SAE1: variants seen among roughly 807,000 people sequenced by gnomAD.
SAE1 encodes SUMO1 activating enzyme subunit 1, also known as SUMO-activating enzyme subunit 1.
Under a neutral mutation model 40.6 loss-of-function variants are expected in SAE1, and 11 were observed. The observed-to-expected ratio is 0.27, with a 90% CI of 0.17 to 0.45. The LOEUF (loss-of-function observed/expected upper bound fraction) is 0.45, where lower values mean the gene tolerates loss of function less well. SAE1 is among the 20% of genes least tolerant of loss of function. The pLI is 1.00. For synonymous variants in SAE1, 155 were observed against 154.3 expected (o/e 1.00, Z -0.03); for missense variants, 373 against 427.3 (o/e 0.87, Z 1.12).
intron 6 of SAE1, among the ~76,000 whole-genome samples, chr19:47,174,399 A>G (rs562062677): frequency 7.7e-6 from 1 of 129,162 alleles, no homozygotes; most frequent in Non-Finnish European, 1.7e-5. Flanking sequence ...GTTTTATTTT[A>G]TTTTGTTTTT....
chr19:47,141,130 T>C (rs1424729155), intron 1 of SAE1, among the ~76,000 whole-genome samples: 2 of 152,016 alleles, frequency 1.3e-5, no homozygotes, highest in Non-Finnish European at 2.9e-5. Flanking sequence ...CTGTCCCGAG[T>C]AACTGGGACT....
chr19:47,164,639 C>CTTTTTTTTTTTTTTT (rs1166301382), intron 5 of SAE1, among the ~76,000 whole-genome samples: 2 of 78,388 alleles, frequency 2.6e-5, no homozygotes, highest in African/African-American at 1.1e-4. Context: ...GAGAATTCAC[C>CTTTTTTTTTTTTTTT]TTTTTTTTTT....
chr19:47,132,209 C>T lies in SAE1; in HGVS notation c.98+1181C>T, dbSNP rs533233499. 4.2e-4 allele frequency among the ~76,000 whole-genome samples: 63 copies of T among 151,676 alleles called. 1 individual carries two copies. The highest frequency in any genetic ancestry group is 1.4e-3 in the African/African-American group (59 of 41,370). The stretch of plus-strand genomic sequence containing the variant: ...AACTCCGGACCTCAAGTGATCTGCC[C>T]GCCACAGCCTCCCAAAGTGGTTGGA... On this transcript the variant is annotated intron_variant, in intron 1 of 8. Transcript: ENST00000270225.
At chr19:47,205,337 T>G (rs1247286908) in intron 8 of SAE1, among the ~76,000 whole-genome samples, 6 of 118,810 alleles carry the variant, frequency 5.1e-5, no homozygotes, top group South Asian at 5.7e-4. Flanking sequence ...TTTTTTTTTT[T>G]GTCTATTTTT....
chr19:47,131,057 A>G (rs1355011709), intron 1 of SAE1, 29 bp downstream of exon 1: 2 of 1,475,352 alleles, frequency 1.4e-6, no homozygotes, highest in Admixed American at 2.6e-5. Flanking sequence ...TGAGGCCGCT[A>G]GGGTCTGGAG....
At chr19:47,203,852 C>G in intron 8 of SAE1, 112 bp downstream of exon 8, 1 of 962,602 alleles carries the variant, frequency 1.0e-6, no homozygotes, top group Non-Finnish European at 1.6e-6. Flanking sequence ...CCCCATTCAT[C>G]TTTGTTTCAT....
Position 47,180,083 on chromosome 19 carries a change from G to A in SAE1, c.733+10160G>A, listed in dbSNP as rs762152332. ...TGGATGAACTCATGGTTTCTTATAC[G>A]TAGATGTAGTAATAGATGTATGTGT... On this transcript the variant is annotated intron_variant, in intron 6 of 8. Coordinates refer to ENST00000270225, the MANE Select transcript of SAE1 (RefSeq NM_005500.3). 1.6e-4 allele frequency: 69 copies of A among 428,780 alleles called. No homozygotes were observed. The Admixed American group carries it at 1.7e-3, about 10-fold the overall frequency. 26.6% of individuals were successfully genotyped at this position (428,780 alleles called of 1,614,324 possible).
In SAE1 at chr19:47,152,977, C is replaced by A; in HGVS notation, c.464C>A (p.Thr155Lys). 2 of 1,613,142 alleles carry A rather than the reference C, an allele frequency of 1.2e-6. No homozygotes were observed. The highest frequency in any genetic ancestry group is 2.2e-5 in the East Asian group (1 of 44,872). Reference sequence around the variant, plus strand: ...CACAAAAATAGCATCAAGTTCTTTACAGGAGATGTTTTTGGCTACCATGGA... The same window carrying A: ...CACAAAAATAGCATCAAGTTCTTTAAAGGAGATGTTTTTGGCTACCATGGA... ...ICHKNSIKFF[T>K]GDVFGYHGYT... is the part of the protein sequence containing the mutation. The change falls in exon 4 of 9, where the codon ACA becomes AAA. Residue 155 changes from threonine to lysine, a missense_variant. Thr to Lys is a moderately conservative substitution (Grantham distance 78). Around this residue, in one of 3 missense-constraint regions of SAE1, gnomAD observed 351 missense variants for 390.6 expected, o/e 0.90. Coordinates refer to ENST00000270225, the MANE Select transcript of SAE1 (RefSeq NM_005500.3).
intron 6 of SAE1, among the ~76,000 whole-genome samples, chr19:47,193,842 AAAGAAAAG>A (rs1417659782): frequency 1.1e-3 from 119 of 103,954 alleles, no homozygotes; most frequent in African/African-American, 3.8e-3. Flanking sequence ...AAAAAAAAAG[AAAGAAAAG>A]AAAAAGAAAA....
At chr19:47,139,992 C>T (rs1425233460) in intron 1 of SAE1, among the ~76,000 whole-genome samples, 5 of 144,314 alleles carry the variant, frequency 3.5e-5, no homozygotes, top group Non-Finnish European at 3.0e-5. Context: ...GGCTGAAGTG[C>T]AATGGTGCGG....
intron 1 of SAE1, among the ~76,000 whole-genome samples, chr19:47,132,128 A>G (rs1600140477): frequency 6.6e-6 from 1 of 150,942 alleles, no homozygotes; most frequent in African/African-American, 2.4e-5. Flanking sequence ...ATGCCTGGCT[A>G]ATTTTTGTAT....
At position 47,209,324 on chromosome 19, in the gene SAE1, G is replaced by T; in HGVS notation, c.*73G>T. On this transcript the variant is annotated 3_prime_UTR_variant, in exon 9 of 9. Transcript: ENST00000270225. Reference sequence around the variant, plus strand: ...TGTATTCCCTGTCCCCTTCCTTCATGAAGGCATCTCCAGGCAAGGAAAACT... The same window carrying T: ...TGTATTCCCTGTCCCCTTCCTTCATTAAGGCATCTCCAGGCAAGGAAAACT... The T allele has an allele frequency of 6.2e-7, 1 of 1,609,628 alleles. No individual in the cohort carries two copies.
At chr19:47,194,614 G>C (rs2058601381) in intron 6 of SAE1, among the ~76,000 whole-genome samples, 1 of 152,182 alleles carries the variant, frequency 6.6e-6, no homozygotes, top group Admixed American at 6.5e-5. Context: ...TGTCCTTAGA[G>C]ACAAGGCTCG....
At chr19:47,194,358 A>G (rs1275718758) in intron 6 of SAE1, among the ~76,000 whole-genome samples, 1 of 152,230 alleles carries the variant, frequency 6.6e-6, no homozygotes, top group Non-Finnish European at 1.5e-5. Context: ...TATTTTTTAA[A>G]GAGCCTCACA....
chr19:47,181,696 C>G (rs2058507372), intron 6 of SAE1, among the ~76,000 whole-genome samples: 1 of 149,014 alleles, frequency 6.7e-6, no homozygotes, highest in Non-Finnish European at 1.5e-5. Flanking sequence ...CCAGGCTGGT[C>G]TCGAACTCCT....
chr19:47,144,245 A>C (rs1221905767), intron 2 of SAE1, among the ~76,000 whole-genome samples: 4 of 152,026 alleles, frequency 2.6e-5, no homozygotes, highest in Admixed American at 2.6e-4. Context: ...GAGGCACAAG[A>C]ATCGCTTGAA....
At chr19:47,154,509 T>TTTTTTTTG (rs1170158203) in intron 4 of SAE1, among the ~76,000 whole-genome samples, 1 of 126,534 alleles carries the variant, frequency 7.9e-6, no homozygotes, top group African/African-American at 2.9e-5. Flanking sequence ...TTTTTTTTTT[T>TTTTTTTTG]TCTGAGACAG....
intron 2 of SAE1, among the ~76,000 whole-genome samples, chr19:47,148,729 C>T (rs2058269280): frequency 6.6e-6 from 1 of 151,674 alleles, no homozygotes; most frequent in African/African-American, 2.4e-5. Context: ...ATTCTCCTGC[C>T]TCAGCCTCCC....
chr19:47,163,712 G>C (rs779323679), intron 5 of SAE1, among the ~76,000 whole-genome samples: 1 of 152,068 alleles, frequency 6.6e-6, no homozygotes, highest in South Asian at 2.1e-4. Context: ...GGGCGACAGA[G>C]CAAGACTCTA....
Sources: allele counts gnomAD v4.1 joint callset (sites outside exome capture counted in the v4.1 genomes callset), GRCh38; gene constraint gnomAD v4.1.1; regional missense constraint gnomAD v4.1.1; transcripts MANE v1.5; gene names NCBI Gene and HGNC (gene_info 2026-07-23, HGNC 2026-07-21).